TBC1D19: variants seen among roughly 807,000 people sequenced by gnomAD.
The protein encoded by TBC1D19 is TBC1 domain family member 19.
Under a neutral mutation model 89.0 loss-of-function variants are expected in TBC1D19, and 60 were observed. The ratio of observed to expected loss-of-function variants is 0.67; its 90% CI spans 0.55 to 0.84. The LOEUF (loss-of-function observed/expected upper bound fraction) is 0.84. TBC1D19 is among the 40% of genes least tolerant of loss of function. The pLI, the probability that TBC1D19 is intolerant of heterozygous loss-of-function variation, is 0.00. For synonymous variants in TBC1D19, 189 were observed against 199.7 expected, an observed-to-expected ratio of 0.95 and a Z score of 0.45; for missense variants, 500 against 610.8, an observed-to-expected ratio of 0.82 and a Z score of 1.91.
the TBC1D19 span, among the ~76,000 whole-genome samples, chr4:26,794,452 G>GT: frequency 6.6e-6 from 1 of 151,894 alleles, no homozygotes; most frequent in Non-Finnish European, 1.5e-5. Flanking sequence ...AAACATGTAA[G>GT]TTTAAAAATA....
At chr4:26,660,671 A>G (rs986482542) in intron 8 of TBC1D19, among the ~76,000 whole-genome samples, 1 of 152,146 alleles carries the variant, frequency 6.6e-6, no homozygotes. Context: ...ATTGGGATGC[A>G]GGAGGTTCAA....
chr4:26,675,181 T>C (rs1408948823), intron 11 of TBC1D19, among the ~76,000 whole-genome samples: 4 of 152,086 alleles, frequency 2.6e-5, no homozygotes, highest in Admixed American at 2.6e-4. Context: ...GATCTAACTT[T>C]GTAGATGCAC....
chr4:26,707,715 A>G (rs1715848747), intron 13 of TBC1D19, among the ~76,000 whole-genome samples: 1 of 151,694 alleles, frequency 6.6e-6, no homozygotes, highest in Non-Finnish European at 1.5e-5. Context: ...TGTATATTCC[A>G]CAGCTATTTT....
upstream of TBC1D19, among the ~76,000 whole-genome samples, chr4:26,582,349 C>G (rs534310448): frequency 6.6e-6 from 1 of 152,012 alleles, no homozygotes; most frequent in African/African-American, 2.4e-5. Context: ...AGGGTACATA[C>G]TAGGAAGGAA....
the TBC1D19 span, among the ~76,000 whole-genome samples, chr4:26,850,272 G>A: frequency 1.8e-4 from 28 of 152,038 alleles, no homozygotes; most frequent in African/African-American, 5.3e-4. Flanking sequence ...ATTTGGGCCC[G>A]GCGCGGTGAC....
chr4:26,611,902 T>G (rs1011738728), intron 1 of TBC1D19, among the ~76,000 whole-genome samples: 1 of 152,048 alleles, frequency 6.6e-6, no homozygotes, highest in Admixed American at 6.6e-5. Context: ...TTTTAAGAAT[T>G]TATAGGTACT....
At chr4:26,806,302 C>G in the TBC1D19 span, among the ~76,000 whole-genome samples, 1 of 152,198 alleles carries the variant, frequency 6.6e-6, no homozygotes, top group South Asian at 2.1e-4. Flanking sequence ...GGCCTGTGAC[C>G]TGTGGCAAGT....
At chr4:26,842,046 CCTTAG>C in the TBC1D19 span, among the ~76,000 whole-genome samples, 1 of 152,100 alleles carries the variant, frequency 6.6e-6, no homozygotes, top group African/African-American at 2.4e-5. Context: ...TATTTTAGGA[CCTTAG>C]TATCTTTAGT....
At chr4:26,761,160 C>T (rs746129102), downstream of TBC1D19, among the ~76,000 whole-genome samples, 11 of 152,150 alleles carry the variant, frequency 7.2e-5, no homozygotes, top group South Asian at 2.1e-4. Context: ...ACTTTATTCA[C>T]GTATGTTAAA....
intron 1 of TBC1D19, among the ~76,000 whole-genome samples, chr4:26,584,787 G>A (rs898125151): frequency 6.6e-6 from 1 of 151,964 alleles, no homozygotes; most frequent in Non-Finnish European, 1.5e-5. Context: ...TCGTCTATCC[G>A]TCCACCACCT....
intron 11 of TBC1D19, among the ~76,000 whole-genome samples, chr4:26,676,729 A>G (rs1712840911): frequency 6.6e-6 from 1 of 152,018 alleles, no homozygotes; most frequent in Non-Finnish European, 1.5e-5. Flanking sequence ...AAAAAAAAAA[A>G]AAAAGAAATG....
At chr4:26,698,487 T>G (rs1715011314) in intron 13 of TBC1D19, among the ~76,000 whole-genome samples, 1 of 152,198 alleles carries the variant, frequency 6.6e-6, no homozygotes, top group East Asian at 1.9e-4. Flanking sequence ...ACCACTGACT[T>G]TCTTCACAGA....
At chr4:26,802,120 A>G in the TBC1D19 span, among the ~76,000 whole-genome samples, 1 of 152,192 alleles carries the variant, frequency 6.6e-6, no homozygotes, top group Non-Finnish European at 1.5e-5. Flanking sequence ...TTCAAAACCA[A>G]AAAGCTTAGA....
intron 1 of TBC1D19, among the ~76,000 whole-genome samples, chr4:26,578,850 T>C (rs1255038361): frequency 6.6e-6 from 1 of 152,224 alleles, no homozygotes; most frequent in Non-Finnish European, 1.5e-5. Flanking sequence ...GAGGGAATAA[T>C]CTCAAATTCC....
chr4:26,581,051 C>T (rs1192918676), upstream of TBC1D19, among the ~76,000 whole-genome samples: 2 of 152,188 alleles, frequency 1.3e-5, no homozygotes, highest in East Asian at 1.9e-4. Context: ...TTTCCCTCTG[C>T]ATCTGTTTTA....
intron 15 of TBC1D19, among the ~76,000 whole-genome samples, chr4:26,730,484 C>T (rs11937283): frequency 1.7e-3 from 259 of 152,276 alleles, no homozygotes; most frequent in African/African-American, 5.7e-3. Flanking sequence ...TTCTCTCCAA[C>T]CTTTGCAGGG....
At chr4:26,690,309 G>A (rs1213908567) in intron 13 of TBC1D19, among the ~76,000 whole-genome samples, 2 of 152,228 alleles carry the variant, frequency 1.3e-5, no homozygotes, top group African/African-American at 2.4e-5. Context: ...GAAGCAGCAA[G>A]TGTTGATGTA....
At chr4:26,827,031 G>A in the TBC1D19 span, among the ~76,000 whole-genome samples, 1 of 152,174 alleles carries the variant, frequency 6.6e-6, no homozygotes, top group Admixed American at 6.5e-5. Context: ...AACTGTTAAT[G>A]TGTTTATTGA....
chr4:26,700,812 T>A (rs980186987), intron 13 of TBC1D19, among the ~76,000 whole-genome samples: 1 of 152,176 alleles, frequency 6.6e-6, no homozygotes, highest in African/African-American at 2.4e-5. Context: ...AAAAGTAAAT[T>A]GGCCTTCCTA....
Sources: gnomAD v4.1 joint callset for allele counts (sites outside exome capture counted in the v4.1 genomes callset) on GRCh38, gnomAD v4.1.1 for gene constraint, MANE v1.5 for transcripts, NCBI Gene and HGNC (gene_info 2026-07-23, HGNC 2026-07-21) for gene names.